HYCC2: variants seen among roughly 807,000 people sequenced by gnomAD.
HYCC2 encodes hyccin PI4KA lipid kinase complex subunit 2, also known as hyccin 2.
chr2:201,063,811 G>A, the HYCC2 span: 1 of 1,591,024 alleles, frequency 6.3e-7, no homozygotes, highest in East Asian at 2.2e-5. Flanking sequence ...ATGGCAGTGG[G>A]GATGGCTATA....
the HYCC2 span, among the ~76,000 whole-genome samples, chr2:201,030,479 G>C: frequency 6.6e-6 from 1 of 151,406 alleles, no homozygotes; most frequent in Non-Finnish European, 1.5e-5. Flanking sequence ...AGGTAAATAT[G>C]TTATTTAAAT....
chr2:201,017,222 G>GT, the HYCC2 span: 22 of 1,337,852 alleles, frequency 1.6e-5, no homozygotes, highest in South Asian at 3.1e-5. Context: ...GGTTGTAACT[G>GT]TTGTTTTTTT....
At chr2:201,068,456 C>A in the HYCC2 span, among the ~76,000 whole-genome samples, 52 of 152,288 alleles carry the variant, frequency 3.4e-4, no homozygotes, top group Middle Eastern at 3.4e-3. Context: ...GACCAAGGCA[C>A]TTCCACTCTG....
the HYCC2 span, among the ~76,000 whole-genome samples, chr2:200,982,047 A>T: frequency 6.6e-6 from 1 of 152,090 alleles, no homozygotes; most frequent in Non-Finnish European, 1.5e-5. Context: ...GAATTCTACT[A>T]TGCTAATAGA....
the HYCC2 span, among the ~76,000 whole-genome samples, chr2:201,018,253 GA>G: frequency 1.3e-5 from 2 of 152,012 alleles, no homozygotes; most frequent in Non-Finnish European, 2.9e-5. Flanking sequence ...GGGTTTGCTG[GA>G]GTAACCGTAG....
the HYCC2 span, among the ~76,000 whole-genome samples, chr2:201,053,019 A>G: frequency 0.047 from 7,197 of 152,242 alleles, 551 homozygotes; most frequent in African/African-American, 0.16. Context: ...CTTCTCACCA[A>G]TTCCATTGAG....
At chr2:201,041,884 C>A in the HYCC2 span, among the ~76,000 whole-genome samples, 5 of 152,220 alleles carry the variant, frequency 3.3e-5, no homozygotes, top group African/African-American at 1.2e-4. Flanking sequence ...TATTTTCCAA[C>A]TCTAAAATCC....
At chr2:200,990,998 G>C in the HYCC2 span, among the ~76,000 whole-genome samples, 5 of 152,202 alleles carry the variant, frequency 3.3e-5, no homozygotes, top group African/African-American at 1.2e-4. Context: ...ATGAGCCACT[G>C]CACCCAGCCT....
At chr2:201,049,144 C>T in the HYCC2 span, among the ~76,000 whole-genome samples, 1 of 146,764 alleles carries the variant, frequency 6.8e-6, no homozygotes, top group African/African-American at 2.5e-5. Flanking sequence ...AAAAAGAAAA[C>T]AAAAACATAA....
At chr2:201,066,499 T>C in the HYCC2 span, among the ~76,000 whole-genome samples, 2 of 152,192 alleles carry the variant, frequency 1.3e-5, no homozygotes, top group African/African-American at 4.8e-5. Context: ...AAAGAACGAA[T>C]ACACAGATTA....
At chr2:201,017,141 A>T in the HYCC2 span, 1 of 1,613,762 alleles carries the variant, frequency 6.2e-7, no homozygotes, top group Non-Finnish European at 8.5e-7. Flanking sequence ...GATAGAGCTC[A>T]AACAGCTGAT....
chr2:200,993,060 T>C, the HYCC2 span: 2 of 1,229,278 alleles, frequency 1.6e-6, no homozygotes, highest in African/African-American at 1.5e-5. Context: ...AAAATAGTTT[T>C]TGTTTTCCTA....
At chr2:201,017,663 G>A in the HYCC2 span, among the ~76,000 whole-genome samples, 2 of 152,194 alleles carry the variant, frequency 1.3e-5, no homozygotes, top group Admixed American at 6.5e-5. Context: ...GTTGGGCAAA[G>A]CAACTCTGTT....
chr2:201,011,331 G>A, the HYCC2 span: 1 of 978,830 alleles, frequency 1.0e-6, no homozygotes, highest in Non-Finnish European at 1.5e-6. Context: ...ATAAGAAACT[G>A]ACTTTTTGAT....
the HYCC2 span, among the ~76,000 whole-genome samples, chr2:201,055,123 A>G: frequency 6.6e-6 from 1 of 152,216 alleles, no homozygotes; most frequent in Non-Finnish European, 1.5e-5. Context: ...ACAGTTCATA[A>G]TAAGTTCTTC....
chr2:201,045,826 A>G, the HYCC2 span, among the ~76,000 whole-genome samples: 1 of 152,156 alleles, frequency 6.6e-6, no homozygotes, highest in Non-Finnish European at 1.5e-5. Flanking sequence ...ATTTGCCATT[A>G]ATTATCTATA....
the HYCC2 span, among the ~76,000 whole-genome samples, chr2:200,992,621 C>T: frequency 2.0e-5 from 3 of 152,102 alleles, no homozygotes; most frequent in Admixed American, 6.5e-5. Flanking sequence ...CTTTTCAATG[C>T]GTTCATGAAA....
At chr2:201,003,190 G>A in the HYCC2 span, among the ~76,000 whole-genome samples, 1 of 152,124 alleles carries the variant, frequency 6.6e-6, no homozygotes, top group Non-Finnish European at 1.5e-5. Flanking sequence ...GGCCTCCAGA[G>A]TACCTAGGAC....
the HYCC2 span, among the ~76,000 whole-genome samples, chr2:201,048,794 G>A: frequency 1.3e-5 from 2 of 152,014 alleles, no homozygotes; most frequent in African/African-American, 2.4e-5. Context: ...CCAACAGGAA[G>A]GTACCACAAT....
Sources: gnomAD v4.1 joint callset for allele counts (sites outside exome capture counted in the v4.1 genomes callset) on GRCh38, gnomAD v4.1.1 for gene constraint, MANE v1.5 for transcripts, NCBI Gene and HGNC (gene_info 2026-07-23, HGNC 2026-07-21) for gene names.